The following WDCP variants were observed in gnomAD, a reference collection of about 807,000 sequenced individuals.
WDCP encodes the protein WD repeat and coiled coil containing.
WDCP carries 19 observed loss-of-function variants against 41.6 expected under a neutral mutation model. That is an observed-to-expected ratio of 0.46 (90% CI 0.32 to 0.67). The LOEUF (loss-of-function observed/expected upper bound fraction) is 0.67, where lower values mean the gene tolerates loss of function less well. WDCP is among the 30% of genes least tolerant of loss of function. The pLI is 0.04. For missense variants in WDCP, 802 were observed against 850.7 expected (o/e 0.94, Z 0.71); for synonymous variants, 302 against 320.8 (o/e 0.94, Z 0.63).
Position 24,039,416 on chromosome 2 carries a change from C to A in WDCP, c.79G>T (p.Ala27Ser), listed in dbSNP as rs1444511335. Reference sequence around the variant, plus strand: ...ACAACTTGATTCCCATCGGTCCAGGCAAGGCCATGGATCGGATGCACTGCT... The same window carrying A: ...ACAACTTGATTCCCATCGGTCCAGGAAAGGCCATGGATCGGATGCACTGCT... Reference protein sequence around the residue: ...HQAVHPIHGLAWTDGNQVVLT... With the variant: ...HQAVHPIHGLSWTDGNQVVLT... Residue 27 changes from alanine (A) to serine (S), a missense_variant, in exon 2 of 4, where the codon GCC (alanine) becomes TCC (serine). Coordinates refer to ENST00000295148, the MANE Select transcript of WDCP (RefSeq NM_025203.3). 1 of 1,614,268 alleles carries A rather than the reference C, an allele frequency of 6.2e-7. No homozygotes were observed. The highest frequency in any genetic ancestry group is 8.5e-7 in the Non-Finnish European group (1 of 1,180,050).
At chr2:24,033,373 TAAAC>T (rs1191827142) in intron 2 of WDCP, 1 of 237,546 alleles carries the variant, frequency 4.2e-6, no homozygotes, top group Non-Finnish European at 8.6e-6. Flanking sequence ...TTGCATAAAA[TAAAC>T]AAACCATGGT....
At chr2:24,034,325 G>T (rs1663178414) in intron 2 of WDCP, among the ~76,000 whole-genome samples, 2 of 152,092 alleles carry the variant, frequency 1.3e-5, no homozygotes, top group African/African-American at 4.8e-5. Flanking sequence ...GGTGGCTGAG[G>T]CAGAGAATCG....
At chr2:24,035,177 T>C (rs1663206186) in intron 2 of WDCP, among the ~76,000 whole-genome samples, 1 of 151,726 alleles carries the variant, frequency 6.6e-6, no homozygotes, top group South Asian at 2.1e-4. Context: ...AACAAGTATA[T>C]ATTACTTTTG....
chr2:24,033,201 T>C (rs17763463), intron 2 of WDCP: 51,605 of 568,198 alleles, frequency 0.091, 2,704 homozygotes, highest in South Asian at 0.15. Context: ...TCTCCTAGAA[T>C]ACAACTAATA....
At position 24,033,316 on chromosome 2, in the gene WDCP, A is replaced by G. The variant is rs1003839379; in HGVS notation, c.1819-370T>C. The G allele has an allele frequency of 1.5e-5, 5 of 330,764 alleles. No individual in the cohort carries two copies. In the East Asian group the frequency reaches 2.4e-4, roughly 16 times the overall value. 20.5% of individuals were successfully genotyped at this position (330,764 alleles called of 1,614,324 possible). ...CTAAGACACCTCATGGTTTATTAGG[A>G]AAAAAAATGCCGAGAGAGTGTCCTA... On this transcript the variant is annotated intron_variant, in intron 2 of 3. Coordinates refer to ENST00000295148, the MANE Select transcript of WDCP (RefSeq NM_025203.3).
chr2:24,046,999 T>C (rs1398471496), intron 1 of WDCP, among the ~76,000 whole-genome samples: 3 of 152,172 alleles, frequency 2.0e-5, no homozygotes, highest in African/African-American at 7.2e-5. Flanking sequence ...TTTATCCCGC[T>C]ACCCGCTATA....
intron 2 of WDCP, among the ~76,000 whole-genome samples, chr2:24,035,489 C>A (rs1369129741): frequency 6.6e-6 from 1 of 151,908 alleles, no homozygotes; most frequent in African/African-American, 2.4e-5. Flanking sequence ...TACAGTTTTG[C>A]TTTTTAAACC....
At position 24,039,181 on chromosome 2, in the gene WDCP, G is replaced by A. The variant is rs773054259; in HGVS notation, c.314C>T (p.Thr105Ile). Residue 105 changes from threonine (T) to isoleucine (I), a missense_variant, in exon 2 of 4, where the codon ACT (threonine) becomes ATT (isoleucine). By Grantham distance (89) the Thr-to-Ile change is moderately conservative. This residue lies in a region of WDCP where 214 missense variants were observed against 252.9 expected (regional missense o/e 0.85). Transcript: ENST00000295148. ...AGGTAGTGATCCTCTAATCTCACAA[G>A]TCTGAGACGTCAGCCATTTGCTTGA... ...MESSKWLTSQTCEIRGSLPIL... is the reference protein window; with the variant it reads ...MESSKWLTSQICEIRGSLPIL... The A allele has an allele frequency of 1.9e-6, 3 of 1,614,216 alleles. No homozygotes were observed. The highest frequency in any genetic ancestry group is 1.3e-5 in the African/African-American group (1 of 75,076).
At chr2:24,037,432 G>C (rs971102413) in intron 2 of WDCP, among the ~76,000 whole-genome samples, 3 of 152,174 alleles carry the variant, frequency 2.0e-5, no homozygotes, top group African/African-American at 7.2e-5. Flanking sequence ...AATTAGTGCA[G>C]ACATTTATTT....
Position 24,030,491 on chromosome 2 carries a change from G to C in WDCP, c.*442C>G, listed in dbSNP as rs1480525515. Reference sequence around the variant, plus strand: ...TTGCTGGTTTGAGGTTAATATGCTAGAGCACATGCCCCCCAGCAGACTCCT... The same window carrying C: ...TTGCTGGTTTGAGGTTAATATGCTACAGCACATGCCCCCCAGCAGACTCCT... On this transcript the variant is annotated 3_prime_UTR_variant, in exon 4 of 4. Coordinates refer to ENST00000295148, the MANE Select transcript of WDCP (RefSeq NM_025203.3). 1 of 155,282 alleles carries C rather than the reference G, an allele frequency of 6.4e-6. No homozygotes were observed. Among genetic ancestry groups the C allele is most frequent in the African/African-American group, 2.4e-5 (1 of 41,450 alleles). The allele number at this position is 155,282 out of a possible 1,614,324, so 9.6% of individuals were successfully genotyped here.
At chr2:24,047,072 G>A (rs1663648997) in intron 1 of WDCP, among the ~76,000 whole-genome samples, 1 of 151,914 alleles carries the variant, frequency 6.6e-6, no homozygotes, top group African/African-American at 2.4e-5. Flanking sequence ...GACTTCCTTG[G>A]GACATATTCC....
chr2:24,033,218 A>G (rs1451112373), intron 2 of WDCP: 1 of 544,044 alleles, frequency 1.8e-6, no homozygotes, highest in Admixed American at 2.3e-5. Context: ...AATAACACTA[A>G]AAGGATGATG....
Position 24,030,980 on chromosome 2 carries a change from TG to T in WDCP, c.2118del (p.Ser707ValfsTer2). ...TTACAACAGCCAGTGGTATCTAAAC[TG>T]GGGGCAGCAAGGCCTGTAAAGACTT... ...SLKVFTGLAA[P>X]SLDTTGCCNH... On this transcript the variant is annotated frameshift_variant, in exon 4 of 4. Coordinates refer to ENST00000295148, the MANE Select transcript of WDCP (RefSeq NM_025203.3). LOFTEE classifies it low-confidence loss of function (END_TRUNC). 1 of 1,614,188 alleles carries T rather than the reference TG, an allele frequency of 6.2e-7. No individual in the cohort carries two copies. The highest frequency in any genetic ancestry group is 8.5e-7 in the Non-Finnish European group (1 of 1,180,042).
intron 3 of WDCP, among the ~76,000 whole-genome samples, chr2:24,032,503 C>CA (rs1225632902): frequency 6.6e-6 from 1 of 151,906 alleles, no homozygotes; most frequent in Non-Finnish European, 1.5e-5. Context: ...ACTCCATCTC[C>CA]AAAAAACAAA....
intron 3 of WDCP, 29 bp downstream of exon 3, chr2:24,032,800 G>T: frequency 7.7e-7 from 1 of 1,304,592 alleles, no homozygotes; most frequent in Non-Finnish European, 1.1e-6. Context: ...AAGGATGTTA[G>T]CTAGGGTCAA....
intron 1 of WDCP, among the ~76,000 whole-genome samples, chr2:24,045,336 T>TG (rs1220969179): frequency 6.6e-6 from 1 of 152,114 alleles, no homozygotes; most frequent in Non-Finnish European, 1.5e-5. Flanking sequence ...GTGTGGTGCC[T>TG]CATGCCTGTA....
At chr2:24,034,570 A>C (rs1427812554) in intron 2 of WDCP, among the ~76,000 whole-genome samples, 1 of 125,606 alleles carries the variant, frequency 8.0e-6, no homozygotes, top group Non-Finnish European at 1.6e-5. Flanking sequence ...AAAGGGCAAC[A>C]AAACTTTTTT....
chr2:24,032,060 A>T (rs923860259), intron 3 of WDCP, among the ~76,000 whole-genome samples: 1 of 152,168 alleles, frequency 6.6e-6, no homozygotes, highest in East Asian at 1.9e-4. Context: ...AGGCCTGGGT[A>T]TATAGTAGGC....
intron 2 of WDCP, among the ~76,000 whole-genome samples, chr2:24,034,667 C>T (rs1474468319): frequency 6.6e-6 from 1 of 151,014 alleles, no homozygotes; most frequent in Non-Finnish European, 1.5e-5. Context: ...TCAACCTCCT[C>T]AGCTTAGGTG....
Sources: allele counts gnomAD v4.1 joint callset (sites outside exome capture counted in the v4.1 genomes callset), GRCh38; gene constraint gnomAD v4.1.1; regional missense constraint gnomAD v4.1.1; transcripts MANE v1.5; gene names NCBI Gene and HGNC (gene_info 2026-07-23, HGNC 2026-07-21).